Variants in DDX42 observed in about 807,000 individuals in gnomAD.
DDX42 encodes the protein ATP-dependent RNA helicase DDX42.
In DDX42, 22 loss-of-function variants were observed where a neutral mutation model predicts 101.5. The observed-to-expected ratio is 0.22, with a 90% CI of 0.15 to 0.31. The LOEUF is 0.31. Ranked by LOEUF, DDX42 falls within the 10% of genes least tolerant of loss-of-function variation. The pLI is 1.00. For synonymous variants in DDX42, 402 were observed against 401.2 expected (o/e 1.00, Z -0.02); for missense variants, 849 against 1,199.9 (o/e 0.71, Z 4.32).
At chr17:63,800,121 T>A (rs1598334066) in intron 5 of DDX42, 1 of 221,998 alleles carries the variant, frequency 4.5e-6, no homozygotes, top group Non-Finnish European at 8.8e-6. Context: ...CCTTTCTAAT[T>A]AGCGTTAACT....
intron 13 of DDX42, 180 bp from the exon 14 acceptor site, chr17:63,811,752 G>T (rs2039912867): frequency 1.4e-6 from 1 of 733,816 alleles, no homozygotes; most frequent in African/African-American, 1.8e-5. Flanking sequence ...ACCAGGTGGA[G>T]AGCAAGGTGA....
intron 1 of DDX42, among the ~76,000 whole-genome samples, chr17:63,786,330 C>G (rs1435477022): frequency 6.6e-6 from 1 of 152,088 alleles, no homozygotes; most frequent in East Asian, 1.9e-4. Flanking sequence ...CACACTGTAA[C>G]CTTGAACTCC....
Position 63,806,649 on chromosome 17 carries a change from T to G in DDX42, c.841T>G (p.Cys281Gly). 1 of 1,601,224 alleles carries G rather than the reference T, an allele frequency of 6.2e-7. No individual in the cohort carries two copies. The highest frequency in any genetic ancestry group is 1.1e-5 in the South Asian group (1 of 88,376). ...ATACACACAGCCCACTCCAATACAG[T>G]GCCAGGTAAGTAAAACATAATGAAA... ...SEYTQPTPIQ[C>G]QGVPVALSGR... Residue 281 changes from cysteine to glycine, a missense_variant, in exon 8 of 18, where the codon TGC becomes GGC. Cys to Gly is a radical substitution (Grantham distance 159). Coordinates refer to ENST00000389924, the MANE Select transcript of DDX42 (RefSeq NM_203499.3).
chr17:63,776,884 C>A lies in DDX42; in HGVS notation c.-17+2508C>A, dbSNP rs146692817. ...ACATAGCCTGTGCTACTTTACTATT[C>A]TGTTAAGATTTCCTAGGAAACCACC... is the stretch of plus-strand genomic sequence containing the variant. On this transcript the variant is annotated intron_variant, in intron 1 of 17. Coordinates refer to ENST00000389924, the MANE Select transcript of DDX42 (RefSeq NM_203499.3). 5.3e-3 allele frequency among the ~76,000 whole-genome samples: 811 copies of A among 152,220 alleles called. 5 individuals carry two copies. Among genetic ancestry groups the A allele is most frequent in the African/African-American group, 0.018 (740 of 41,546 alleles).
intron 2 of DDX42, among the ~76,000 whole-genome samples, chr17:63,790,983 A>G (rs1019803633): frequency 3.3e-5 from 5 of 152,226 alleles, no homozygotes; most frequent in South Asian, 2.1e-4. Context: ...ATTGTTACAT[A>G]TAGTCAGTGT....
At chr17:63,804,638 T>C (rs892683574) in intron 6 of DDX42, among the ~76,000 whole-genome samples, 1 of 152,222 alleles carries the variant, frequency 6.6e-6, no homozygotes, top group Non-Finnish European at 1.5e-5. Context: ...CTTAGTCTGC[T>C]TCAATGTTGT....
chr17:63,790,050 A>C (rs1374004819), intron 2 of DDX42, among the ~76,000 whole-genome samples: 1 of 152,188 alleles, frequency 6.6e-6, no homozygotes, highest in Non-Finnish European at 1.5e-5. Flanking sequence ...CAGGAGGCAG[A>C]GGTGGAAAGA....
intron 3 of DDX42, among the ~76,000 whole-genome samples, chr17:63,794,367 G>T (rs1366896229): frequency 6.6e-6 from 1 of 151,832 alleles, no homozygotes; most frequent in Non-Finnish European, 1.5e-5. Flanking sequence ...AGCATAGCGA[G>T]TCCCTGTCTC....
intron 2 of DDX42, among the ~76,000 whole-genome samples, chr17:63,788,642 G>A (rs1403662105): frequency 2.0e-5 from 3 of 152,192 alleles, no homozygotes; most frequent in South Asian, 2.1e-4. Flanking sequence ...ATGTTGGAAC[G>A]TCTGATAGTG....
chr17:63,802,777 G>A (rs1165706040), intron 6 of DDX42, among the ~76,000 whole-genome samples: 1 of 152,066 alleles, frequency 6.6e-6, no homozygotes, highest in Non-Finnish European at 1.5e-5. Flanking sequence ...AGGCATGGTG[G>A]TGCATGCCTG....
chr17:63,797,334 G>A (rs1040983223), intron 3 of DDX42, among the ~76,000 whole-genome samples: 1 of 131,898 alleles, frequency 7.6e-6, no homozygotes, highest in African/African-American at 3.1e-5. Context: ...CCTGGGCAAC[G>A]AGAGCGAAAC....
intron 12 of DDX42, 132 bp from the exon 13 acceptor site, chr17:63,810,943 GT>G: frequency 1.4e-6 from 1 of 693,070 alleles, no homozygotes; most frequent in Admixed American, 3.0e-5. Context: ...TAGTGAATCA[GT>G]TTCTAAACTA....
At position 63,779,780 on chromosome 17, in the gene DDX42, C is replaced by T. The variant is rs12452854; in HGVS notation, c.-17+5404C>T. Among the ~76,000 whole-genome samples, 119 of 151,458 alleles carry T rather than the reference C, an allele frequency of 7.9e-4. No individual in the cohort carries two copies. The Middle Eastern group carries it at 0.014, about 17-fold the overall frequency. The stretch of plus-strand genomic sequence containing the variant: ...TGTTTTCTTTGTAGAGATGGGGTCT[C>T]GCTGTGTTGCCCAGGCTGGTCTCAA... On this transcript the variant is annotated intron_variant, in intron 1 of 17. Transcript: ENST00000389924.
chr17:63,811,861 A>G, intron 13 of DDX42, 71 bp from the exon 14 acceptor site: 6 of 1,597,656 alleles, frequency 3.8e-6, no homozygotes, highest in Non-Finnish European at 5.1e-6. Flanking sequence ...TAGAAATATA[A>G]TGCCTAGTCC....
At chr17:63,817,056 G>C in intron 17 of DDX42, 90 bp downstream of exon 17, 2 of 1,082,172 alleles carry the variant, frequency 1.8e-6, no homozygotes, top group Non-Finnish European at 2.7e-6. Context: ...GTAGCTGGGC[G>C]CCTAGGCTTG....
intron 6 of DDX42, among the ~76,000 whole-genome samples, chr17:63,802,154 G>T (rs919989792): frequency 6.6e-5 from 10 of 152,016 alleles, no homozygotes; most frequent in Non-Finnish European, 1.3e-4. Context: ...TCTAGTAGGC[G>T]TATTCTCTGT....
chr17:63,801,053 C>A (rs974907480), intron 6 of DDX42, among the ~76,000 whole-genome samples: 3 of 127,676 alleles, frequency 2.3e-5, no homozygotes, highest in Non-Finnish European at 3.4e-5. Context: ...CTTTTATTTT[C>A]TTTCTTCTTT....
At chr17:63,802,503 C>A (rs1237388968) in intron 6 of DDX42, among the ~76,000 whole-genome samples, 2 of 152,356 alleles carry the variant, frequency 1.3e-5, no homozygotes, top group East Asian at 3.9e-4. Context: ...CGCAATGGCT[C>A]ACGCCTGTAA....
At chr17:63,781,351 G>A (rs563153856) in intron 1 of DDX42, among the ~76,000 whole-genome samples, 21 of 152,140 alleles carry the variant, frequency 1.4e-4, no homozygotes, top group African/African-American at 4.3e-4. Flanking sequence ...CTGAGTAGCC[G>A]GAACTACAGG....
Sources: allele counts gnomAD v4.1 joint callset (sites outside exome capture counted in the v4.1 genomes callset), GRCh38; gene constraint gnomAD v4.1.1; transcripts MANE v1.5; gene names NCBI Gene and HGNC (gene_info 2026-07-23, HGNC 2026-07-21).